WDR64: variants seen among roughly 807,000 people sequenced by gnomAD.
The protein encoded by WDR64 is WD repeat-containing protein 64.
WDR64 carries 112 observed loss-of-function variants against 139.3 expected under a neutral mutation model. That is an observed-to-expected ratio of 0.80 (90% confidence interval 0.69 to 0.94). WDR64 has a LOEUF of 0.94. Among genes scored for constraint, WDR64 ranks in the 40% least tolerant of loss-of-function variants. The pLI is 0.00. For missense variants in WDR64, 1,206 were observed against 1,293.1 expected, an observed-to-expected ratio of 0.93 and a Z score of 1.03; for synonymous variants, 444 against 437.7, an observed-to-expected ratio of 1.01 and a Z score of -0.18.
Position 241,660,696 on chromosome 1 carries a change from G to C in WDR64, c.276+36G>C, listed in dbSNP as rs533605523. On this transcript the variant is annotated intron_variant, in intron 2 of 27. Transcript: ENST00000437684. The stretch of plus-strand genomic sequence containing the variant: ...TTCATGTTCATAATATGAAATCCAG[G>C]TATTATTTTTCTAAGTTTGGAATAA... 35 of 1,540,118 alleles carry C rather than the reference G, an allele frequency of 2.3e-5. 1 individual carries two copies. The South Asian group carries it at 3.4e-4, about 15-fold the overall frequency.
intron 8 of WDR64, among the ~76,000 whole-genome samples, chr1:241,698,208 G>C (rs181123226): frequency 6.6e-6 from 1 of 152,008 alleles, no homozygotes; most frequent in East Asian, 1.9e-4. Flanking sequence ...TTTGTATTTT[G>C]CTTGGTGGCA....
At chr1:241,766,457 A>G in intron 16 of WDR64, 106 bp downstream of exon 16, 1 of 1,302,258 alleles carries the variant, frequency 7.7e-7, no homozygotes, top group Non-Finnish European at 1.0e-6. Context: ...AGGTCTGTAA[A>G]CCCAGAACTT....
chr1:241,794,396 TTAAGTAACTTAACTGAAACAC>T (rs1439830361), intron 25 of WDR64, among the ~76,000 whole-genome samples: 7 of 152,082 alleles, frequency 4.6e-5, no homozygotes, highest in African/African-American at 1.7e-4. Context: ...AAATCATTTT[TTAAGTAACTTAACTGAAACAC>T]TAAGTAAATT....
intron 13 of WDR64, among the ~76,000 whole-genome samples, chr1:241,748,755 T>C (rs1249003099): frequency 6.6e-6 from 1 of 151,876 alleles, no homozygotes; most frequent in Admixed American, 6.5e-5. Context: ...CTGGCTAACA[T>C]GGTGAAACCT....
chr1:241,735,104 C>T lies in WDR64; in HGVS notation c.1195-3259C>T, dbSNP rs115053200. Among the ~76,000 whole-genome samples, 700 of 152,058 alleles carry T rather than the reference C, an allele frequency of 4.6e-3. 7 individuals carry two copies. Among genetic ancestry groups the T allele is most frequent in the African/African-American group, 0.016 (682 of 41,468 alleles). The stretch of plus-strand genomic sequence containing the variant: ...TTTTTACAGCATTAGTGCAAGTGTC[C>T]CTGATATAGTTTTATTTTGCATGTT... On this transcript the variant is annotated intron_variant, in intron 10 of 27. Coordinates refer to ENST00000437684, the MANE Select transcript of WDR64 (RefSeq NM_001367482.1).
chr1:241,707,827 C>T (rs2148164157), intron 8 of WDR64, among the ~76,000 whole-genome samples: 1 of 152,324 alleles, frequency 6.6e-6, no homozygotes, highest in Non-Finnish European at 1.5e-5. Flanking sequence ...ATAGTCAACC[C>T]TTGATTTCAT....
intron 9 of WDR64, among the ~76,000 whole-genome samples, chr1:241,712,453 G>C (rs1451600344): frequency 6.6e-6 from 1 of 152,118 alleles, no homozygotes; most frequent in Non-Finnish European, 1.5e-5. Context: ...GTTTTGTCGG[G>C]GGAAGGTAGG....
intron 14 of WDR64, among the ~76,000 whole-genome samples, chr1:241,754,314 C>CT (rs1574070839): frequency 3.7e-5 from 4 of 107,884 alleles, no homozygotes; most frequent in African/African-American, 6.9e-5. Flanking sequence ...TCCTTTTTTT[C>CT]TTTTTCTTTT....
Position 241,738,455 on chromosome 1 carries a change from G to A in WDR64, c.1287G>A (p.Met429Ile). ...CAGGAGACATGCAGATTTACTCTAT[G>A]ATATATGATGCCAATCATGGCATGC... Reference protein sequence around the residue: ...GGPGDMQIYSMIYDANHGMLI... With the variant: ...GGPGDMQIYSIIYDANHGMLI... Residue 429 changes from methionine to isoleucine, a missense_variant, in exon 11 of 28, where the codon ATG becomes ATA. Met to Ile is a conservative substitution (Grantham distance 10). Transcript: ENST00000437684. 6.2e-7 allele frequency: 1 copy of A among 1,613,460 alleles called. No individual in the cohort carries two copies. Among genetic ancestry groups the A allele is most frequent in the Non-Finnish European group, 8.5e-7 (1 of 1,179,718 alleles).
rs1464637723 is a variant in WDR64 at position 241,683,428 on chromosome 1, G to A, written c.625-59G>A. The A allele has an allele frequency of 4.7e-6, 7 of 1,484,242 alleles. No individual in the cohort carries two copies. The East Asian group carries it at 1.5e-4, about 32-fold the overall frequency. 91.9% of individuals were successfully genotyped at this position (1,484,242 alleles called of 1,614,324 possible). A position where few individuals can be genotyped will look rare whatever the true frequency, so the allele number is the denominator to read the frequency against. ...GTGAAATTTTTGTCAAATAATAGGG[G>A]AAATATTTATTGAACAGAGCAAAGT... On this transcript the variant is annotated intron_variant, in intron 6 of 27. Coordinates refer to ENST00000437684, the MANE Select transcript of WDR64 (RefSeq NM_001367482.1).
At chr1:241,705,716 T>C (rs1667927970) in intron 8 of WDR64, among the ~76,000 whole-genome samples, 1 of 152,000 alleles carries the variant, frequency 6.6e-6, no homozygotes, top group African/African-American at 2.4e-5. Context: ...GCCTCCTGAG[T>C]GGCTGCAGAT....
chr1:241,677,829 C>T (rs1443887692), intron 4 of WDR64, among the ~76,000 whole-genome samples: 1 of 152,148 alleles, frequency 6.6e-6, no homozygotes, highest in Non-Finnish European at 1.5e-5. Context: ...CTACTCTTGC[C>T]ATTGCTGTTA....
At chr1:241,743,153 T>G (rs1204156060) in intron 12 of WDR64, among the ~76,000 whole-genome samples, 1 of 152,176 alleles carries the variant, frequency 6.6e-6, no homozygotes, top group Admixed American at 6.5e-5. Context: ...CCTGCTTTTG[T>G]GCAATCAGTA....
chr1:241,683,590 A>T lies in WDR64; in HGVS notation c.728A>T (p.Asp243Val), dbSNP rs1574005267. Residue 243 changes from aspartate to valine, a missense_variant, in exon 7 of 28, where the codon GAT becomes GTT. Coordinates refer to ENST00000437684, the MANE Select transcript of WDR64 (RefSeq NM_001367482.1). ...CGAGATGACATCCTCTTGGGGGATG[A>T]TGGGGGTTTTGTGAACAGATTCACA... ...LCRDDILLGD[D>V]GGFVNRFTVN... The T allele has an allele frequency of 6.4e-7, 1 of 1,551,618 alleles. No homozygotes were observed. The highest frequency in any genetic ancestry group is 8.7e-7 in the Non-Finnish European group (1 of 1,146,960).
chr1:241,785,054 C>G (rs1190324079), intron 23 of WDR64, among the ~76,000 whole-genome samples: 1 of 150,438 alleles, frequency 6.6e-6, no homozygotes, highest in East Asian at 2.0e-4. Flanking sequence ...TTTAACAACT[C>G]AGTCCCTTGG....
At chr1:241,696,144 A>G (rs961279507) in intron 8 of WDR64, among the ~76,000 whole-genome samples, 2 of 144,472 alleles carry the variant, frequency 1.4e-5, no homozygotes, top group African/African-American at 2.5e-5. Context: ...AAAAAAAAGC[A>G]TTAGTCTGAA....
At chr1:241,784,953 GAAAAAA>G (rs58720618) in intron 23 of WDR64, among the ~76,000 whole-genome samples, 818 of 62,244 alleles carry the variant, frequency 0.013, 16 homozygotes, top group Admixed American at 0.017. Flanking sequence ...GACTCTGTCT[GAAAAAA>G]AAAAAAAAAA....
chr1:241,694,508 A>C (rs1349371324), intron 8 of WDR64, among the ~76,000 whole-genome samples: 1 of 152,224 alleles, frequency 6.6e-6, no homozygotes, highest in Non-Finnish European at 1.5e-5. Flanking sequence ...GCTAGTGATT[A>C]TACTCTTGCA....
At chr1:241,758,231 C>T (rs1385387797) in intron 15 of WDR64, among the ~76,000 whole-genome samples, 1 of 147,296 alleles carries the variant, frequency 6.8e-6, no homozygotes, top group Non-Finnish European at 1.5e-5. Flanking sequence ...TTGACTACAA[C>T]ATTGATTTTT....
Sources: allele counts gnomAD v4.1 joint callset (sites outside exome capture counted in the v4.1 genomes callset), GRCh38; gene constraint gnomAD v4.1.1; transcripts MANE v1.5; gene names NCBI Gene and HGNC (gene_info 2026-07-23, HGNC 2026-07-21).